ST6GALNAC3: variants seen among roughly 807,000 people sequenced by gnomAD.
ST6GALNAC3 encodes alpha-N-acetylgalactosaminide alpha-2,6-sialyltransferase 3.
ST6GALNAC3 carries 25 observed loss-of-function variants against 32.7 expected under a neutral mutation model. The observed-to-expected ratio is 0.76, with a 90% CI of 0.56 to 1.07. The LOEUF (loss-of-function observed/expected upper bound fraction) is 1.07, where lower values mean the gene tolerates loss of function less well. Among genes scored for constraint, ST6GALNAC3 ranks in the 50% least tolerant of loss-of-function variants. The probability of loss-of-function intolerance (pLI) is 0.00; values close to 1 mark genes in which losing one functional copy is unlikely to be tolerated. For missense variants in ST6GALNAC3, 355 were observed against 382.4 expected, an observed-to-expected ratio of 0.93 and a Z score of 0.60; for synonymous variants, 129 against 133.1, an observed-to-expected ratio of 0.97 and a Z score of 0.21.
At chr1:76,584,085 C>T (rs990558266) in intron 3 of ST6GALNAC3, among the ~76,000 whole-genome samples, 4 of 152,186 alleles carry the variant, frequency 2.6e-5, no homozygotes, top group African/African-American at 9.7e-5. Context: ...AGGAAATCCT[C>T]ACCACAAACC....
chr1:76,387,087 T>C (rs577258385), intron 2 of ST6GALNAC3, among the ~76,000 whole-genome samples: 49 of 152,288 alleles, frequency 3.2e-4, no homozygotes, highest in Non-Finnish European at 6.3e-4. Context: ...TTCCCAAGAT[T>C]GTTACTTCTC....
chr1:76,523,756 G>C (rs1214213483), intron 3 of ST6GALNAC3, among the ~76,000 whole-genome samples: 1 of 152,098 alleles, frequency 6.6e-6, no homozygotes, highest in Non-Finnish European at 1.5e-5. Flanking sequence ...GCTCCACCCT[G>C]CACACCTTCA....
At chr1:76,086,458 A>G (rs917731694) in intron 1 of ST6GALNAC3, among the ~76,000 whole-genome samples, 7 of 152,106 alleles carry the variant, frequency 4.6e-5, no homozygotes, top group Admixed American at 3.9e-4. Context: ...AGAGGCTCAT[A>G]TTTGTGTAAA....
chr1:76,356,854 C>G (rs555975149), intron 2 of ST6GALNAC3, among the ~76,000 whole-genome samples: 6 of 152,206 alleles, frequency 3.9e-5, no homozygotes, highest in African/African-American at 1.4e-4. Context: ...ATTCCCTTCC[C>G]AGGTCAGCAC....
intron 3 of ST6GALNAC3, among the ~76,000 whole-genome samples, chr1:76,556,392 C>T (rs988118721): frequency 6.6e-6 from 1 of 151,756 alleles, no homozygotes; most frequent in Non-Finnish European, 1.5e-5. Context: ...TGGATAAATA[C>T]CTGCCTGTGA....
intron 3 of ST6GALNAC3, among the ~76,000 whole-genome samples, chr1:76,469,464 T>C (rs1276522635): frequency 1.3e-5 from 2 of 152,102 alleles, no homozygotes; most frequent in African/African-American, 4.8e-5. Context: ...GACATATCCC[T>C]GACAGCTAAT....
intron 2 of ST6GALNAC3, among the ~76,000 whole-genome samples, chr1:76,380,025 TAAAG>T (rs1291983415): frequency 2.0e-5 from 3 of 151,764 alleles, no homozygotes; most frequent in Non-Finnish European, 4.4e-5. Context: ...AGCAAATAAA[TAAAG>T]AAAAACATAT....
chr1:76,425,409 T>C (rs1655307431), intron 3 of ST6GALNAC3, among the ~76,000 whole-genome samples: 1 of 151,852 alleles, frequency 6.6e-6, no homozygotes, highest in African/African-American at 2.4e-5. Context: ...CACACCAAGC[T>C]CTTTTTTTAA....
At chr1:76,625,747 C>T (rs1451706377) in intron 3 of ST6GALNAC3, among the ~76,000 whole-genome samples, 1 of 151,874 alleles carries the variant, frequency 6.6e-6, no homozygotes, top group Non-Finnish European at 1.5e-5. Context: ...AGCTCACTTC[C>T]CTGAGATACG....
chr1:76,112,598 G>A (rs555554517), intron 1 of ST6GALNAC3, among the ~76,000 whole-genome samples: 10 of 151,072 alleles, frequency 6.6e-5, no homozygotes, highest in African/African-American at 2.4e-4. Flanking sequence ...GCTGCCGCGC[G>A]GAGGGGCTCC....
chr1:76,613,755 A>T (rs996356935), intron 3 of ST6GALNAC3, among the ~76,000 whole-genome samples: 3 of 151,986 alleles, frequency 2.0e-5, no homozygotes, highest in African/African-American at 7.3e-5. Context: ...TTCCTCTTTG[A>T]CTTCCGTCAT....
At chr1:76,571,281 T>C (rs2100492345) in intron 3 of ST6GALNAC3, among the ~76,000 whole-genome samples, 1 of 152,268 alleles carries the variant, frequency 6.6e-6, no homozygotes, top group African/African-American at 2.4e-5. Flanking sequence ...TCCAATGTCA[T>C]GCTCTTGATT....
chr1:76,096,632 T>C (rs1647136627), intron 1 of ST6GALNAC3, among the ~76,000 whole-genome samples: 2 of 151,578 alleles, frequency 1.3e-5, no homozygotes, highest in South Asian at 2.1e-4. Flanking sequence ...TGAAGGAAAG[T>C]GCACCAAACA....
At chr1:76,406,800 C>CT (rs1215904276) in intron 2 of ST6GALNAC3, among the ~76,000 whole-genome samples, 1 of 151,704 alleles carries the variant, frequency 6.6e-6, no homozygotes, top group Non-Finnish European at 1.5e-5. Flanking sequence ...ATATGCTCTT[C>CT]TTTTTAACCT....
At chr1:76,337,151 C>T (rs943062902) in intron 2 of ST6GALNAC3, among the ~76,000 whole-genome samples, 2 of 152,272 alleles carry the variant, frequency 1.3e-5, no homozygotes, top group African/African-American at 2.4e-5. Flanking sequence ...CTCCTAGATC[C>T]GCCCCCTCAT....
chr1:76,400,460 G>C (rs1218608527), intron 2 of ST6GALNAC3, among the ~76,000 whole-genome samples: 1 of 152,144 alleles, frequency 6.6e-6, no homozygotes, highest in Non-Finnish European at 1.5e-5. Flanking sequence ...TGAATATTTA[G>C]ATTTTGGCAT....
chr1:76,136,160 C>T (rs1177874734), intron 1 of ST6GALNAC3, among the ~76,000 whole-genome samples: 5 of 152,136 alleles, frequency 3.3e-5, no homozygotes, highest in Non-Finnish European at 5.9e-5. Flanking sequence ...TAATAAAAAG[C>T]GACAGCTACA....
At chr1:76,322,064 T>C (rs1028611167) in intron 2 of ST6GALNAC3, among the ~76,000 whole-genome samples, 2 of 152,272 alleles carry the variant, frequency 1.3e-5, no homozygotes, top group South Asian at 4.1e-4. Context: ...TTGCCAACTA[T>C]CTTGTTAACG....
chr1:76,138,005 C>T lies in ST6GALNAC3; in HGVS notation c.18+63121C>T, dbSNP rs866945727. Among the ~76,000 whole-genome samples, 17 of 152,174 alleles carry T rather than the reference C, an allele frequency of 1.1e-4. No homozygotes were observed. In the South Asian group the frequency reaches 1.2e-3, roughly 11 times the overall value. The stretch of plus-strand genomic sequence containing the variant: ...CCTTCATTCTGTTGTGGTAAAACTT[C>T]GCTCTATATTCAGCCACACATTAAT... On this transcript the variant is annotated intron_variant, in intron 1 of 4. Coordinates refer to ENST00000328299, the MANE Select transcript of ST6GALNAC3 (RefSeq NM_152996.4).
Sources: gnomAD v4.1 joint callset for allele counts (sites outside exome capture counted in the v4.1 genomes callset) on GRCh38, gnomAD v4.1.1 for gene constraint, MANE v1.5 for transcripts, NCBI Gene and HGNC (gene_info 2026-07-23, HGNC 2026-07-21) for gene names.